The following SLC12A8 variants were observed in gnomAD, a reference collection of about 807,000 sequenced individuals.
SLC12A8 encodes the protein solute carrier family 12 member 8, also known as cation-chloride cotransporter 9.
In SLC12A8, 69 loss-of-function variants were observed where a neutral mutation model predicts 75.6. That is an observed-to-expected ratio of 0.91 (90% CI 0.75 to 1.11). The LOEUF is 1.11. Ranked by LOEUF, SLC12A8 falls within the 50% of genes most tolerant of loss-of-function variation. The pLI, the probability that SLC12A8 is intolerant of heterozygous loss-of-function variation, is 0.00. For synonymous variants in SLC12A8, 365 were observed against 372.8 expected (o/e 0.98, Z 0.24); for missense variants, 877 against 896.7 (o/e 0.98, Z 0.28).
intron 5 of SLC12A8, among the ~76,000 whole-genome samples, chr3:125,148,975 G>C (rs941271937): frequency 6.6e-6 from 1 of 152,172 alleles, no homozygotes; most frequent in African/African-American, 2.4e-5. Flanking sequence ...GCAGCGGGGG[G>C]GCACAGGCAG....
rs114767150 is a variant in SLC12A8 at position 125,201,560 on chromosome 3, C to T, written c.51+9739G>A. ...GAGGCCCATGGGAGGATTGCTTGAG[C>T]CCAAGAGTTCAAGACCAGCCTGGGC... is the stretch of plus-strand genomic sequence containing the variant. On this transcript the variant is annotated intron_variant, in intron 2 of 13. Transcript: ENST00000469902. Among the ~76,000 whole-genome samples, 1,342 of 151,958 alleles carry T rather than the reference C, an allele frequency of 8.8e-3. 16 individuals carry two copies. The highest frequency in any genetic ancestry group is 0.03 in the African/African-American group (1,233 of 41,436).
In SLC12A8 at chr3:125,099,799, G is replaced by A. The variant is rs372422254; in HGVS notation, c.1706-7601C>T. ...AAAAATTAGCTGAGCATGGTGGTGG[G>A]CATCTGTAATCCCAGCTACTCAGGA... On this transcript the variant is annotated intron_variant, in intron 10 of 13. Transcript: ENST00000469902. Among the ~76,000 whole-genome samples the A allele has an allele frequency of 1.3e-4, 20 of 152,208 alleles. No individual in the cohort carries two copies. The South Asian group carries it at 3.7e-3, about 28-fold the overall frequency.
intron 2 of SLC12A8, among the ~76,000 whole-genome samples, chr3:125,196,973 A>T (rs1004041770): frequency 6.6e-6 from 1 of 152,240 alleles, no homozygotes; most frequent in Admixed American, 6.5e-5. Context: ...CCCAGTGGCA[A>T]TGAACATACC....
At chr3:125,131,907 C>T (rs1933368252) in intron 6 of SLC12A8, among the ~76,000 whole-genome samples, 1 of 152,138 alleles carries the variant, frequency 6.6e-6, no homozygotes, top group Admixed American at 6.5e-5. Flanking sequence ...CCCGCCAACT[C>T]CCTGGCAGTA....
At chr3:125,107,336 T>C (rs1032433906) in intron 10 of SLC12A8, 145 bp downstream of exon 10, 1 of 744,868 alleles carries the variant, frequency 1.3e-6, no homozygotes, top group Non-Finnish European at 2.2e-6. Flanking sequence ...AGCTGATACC[T>C]GAATATAATG....
At chr3:125,154,508 T>C (rs1311293879) in intron 5 of SLC12A8, among the ~76,000 whole-genome samples, 2 of 152,212 alleles carry the variant, frequency 1.3e-5, no homozygotes, top group Non-Finnish European at 2.9e-5. Context: ...AGATGTATAA[T>C]GCTTAGTATA....
At chr3:125,125,688 A>C (rs1255179847) in intron 6 of SLC12A8, among the ~76,000 whole-genome samples, 1 of 152,260 alleles carries the variant, frequency 6.6e-6, no homozygotes, top group Non-Finnish European at 1.5e-5. Context: ...AAAGAAGGGA[A>C]GCCATTTGAT....
intron 4 of SLC12A8, among the ~76,000 whole-genome samples, chr3:125,183,049 G>A (rs370313856): frequency 3.9e-5 from 6 of 152,108 alleles, no homozygotes; most frequent in Middle Eastern, 3.4e-3. Flanking sequence ...TTATGTTTAC[G>A]CAAAAACTAA....
chr3:125,163,147 T>G (rs909109697), intron 5 of SLC12A8, among the ~76,000 whole-genome samples: 28 of 149,628 alleles, frequency 1.9e-4, no homozygotes, highest in Admixed American at 1.6e-3. Context: ...CTACAAAAGA[T>G]ACAAAAAGAT....
At chr3:125,165,233 C>G (rs1934260182) in intron 5 of SLC12A8, among the ~76,000 whole-genome samples, 1 of 152,312 alleles carries the variant, frequency 6.6e-6, no homozygotes, top group East Asian at 1.9e-4. Context: ...GATCCCACAG[C>G]CATTTCACGC....
At chr3:125,102,238 G>A (rs1374226828) in intron 10 of SLC12A8, among the ~76,000 whole-genome samples, 1 of 152,156 alleles carries the variant, frequency 6.6e-6, no homozygotes, top group Non-Finnish European at 1.5e-5. Flanking sequence ...TGGAGAAGGG[G>A]GAGGTGAAGC....
intron 10 of SLC12A8, among the ~76,000 whole-genome samples, chr3:125,095,255 T>A (rs1301573870): frequency 3.3e-5 from 5 of 152,228 alleles, no homozygotes; most frequent in Non-Finnish European, 5.9e-5. Flanking sequence ...AAACTTAACA[T>A]GACTAACACA....
intron 6 of SLC12A8, among the ~76,000 whole-genome samples, chr3:125,130,733 T>TG (rs1464295761): frequency 6.6e-6 from 1 of 152,242 alleles, no homozygotes; most frequent in African/African-American, 2.4e-5. Flanking sequence ...CTCAGGCTGC[T>TG]GCTAACTCCT....
rs777395653 is a variant in SLC12A8, at chr3:125,108,013, G to T, written c.1173C>A (p.Phe391Leu). ...AGTCCACTGCAACGTATGTCAGCAT[G>T]AAGTTGATGGTGACGATGGGGGCCA... ...NVLAPIVTINFMLTYVAVDYS... is the reference protein window; with the variant it reads ...NVLAPIVTINLMLTYVAVDYS... The change falls in exon 10 of 14, where the codon TTC becomes TTA. Residue 391 changes from phenylalanine (F) to leucine (L), a missense_variant. Physicochemically the swap from Phe to Leu is conservative, Grantham distance 22. Coordinates refer to ENST00000469902, the MANE Select transcript of SLC12A8 (RefSeq NM_024628.6). 1 of 1,614,166 alleles carries T rather than the reference G, an allele frequency of 6.2e-7. No homozygotes were observed.
chr3:125,166,903 C>T (rs1934302597), intron 5 of SLC12A8, among the ~76,000 whole-genome samples: 1 of 152,176 alleles, frequency 6.6e-6, no homozygotes. Context: ...GGGCCAGCTA[C>T]ATATGGTAGA....
At chr3:125,132,737 T>C (rs1933392197) in intron 6 of SLC12A8, among the ~76,000 whole-genome samples, 1 of 152,190 alleles carries the variant, frequency 6.6e-6, no homozygotes, top group African/African-American at 2.4e-5. Context: ...GTGTAAATTT[T>C]GGAGTCACCA....
chr3:125,133,338 C>T (rs1933404198), intron 6 of SLC12A8, among the ~76,000 whole-genome samples: 2 of 151,446 alleles, frequency 1.3e-5, no homozygotes, highest in East Asian at 1.9e-4. Flanking sequence ...TCACTATAAT[C>T]AGGAATACAC....
intron 8 of SLC12A8, among the ~76,000 whole-genome samples, chr3:125,111,643 A>G (rs1032419292): frequency 6.6e-6 from 1 of 151,968 alleles, no homozygotes; most frequent in Admixed American, 6.5e-5. Flanking sequence ...TCCTCACCCC[A>G]TTTTTTACTT....
At chr3:125,167,806 C>G (rs1261880450) in intron 5 of SLC12A8, among the ~76,000 whole-genome samples, 1 of 152,176 alleles carries the variant, frequency 6.6e-6, no homozygotes, top group Admixed American at 6.5e-5. Context: ...GAGCTGTATT[C>G]ATATGCTTCA....
Sources: allele counts gnomAD v4.1 joint callset (sites outside exome capture counted in the v4.1 genomes callset), GRCh38; gene constraint gnomAD v4.1.1; transcripts MANE v1.5; gene names NCBI Gene and HGNC (gene_info 2026-07-23, HGNC 2026-07-21).